Variants in UBE3C observed in about 807,000 individuals in gnomAD.
The protein encoded by UBE3C is ubiquitin protein ligase E3C.
A neutral mutation model predicts 129.4 loss-of-function variants in UBE3C; 42 were observed. That is an observed-to-expected ratio of 0.32 (90% CI 0.25 to 0.42). The LOEUF is 0.42. Among genes scored for constraint, UBE3C ranks in the 10% least tolerant of loss-of-function variants. The pLI, the probability that UBE3C is intolerant of heterozygous loss-of-function variation, is 1.00. For synonymous variants in UBE3C, 510 were observed against 492.4 expected, an observed-to-expected ratio of 1.04 and a Z score of -0.47; for missense variants, 1,049 against 1,319.1, an observed-to-expected ratio of 0.80 and a Z score of 3.17.
rs3039783 is a variant in UBE3C at position 157,211,167 on chromosome 7, G to GGAGAGAGAGAGAGAGAGAGAGAGA, written c.1809+3236_1809+3259dup. Among the ~76,000 whole-genome samples the GGAGAGAGAGAGAGAGAGAGAGAGA allele has an allele frequency of 4.2e-3, 577 of 137,096 alleles. 18 individuals carry two copies. Among genetic ancestry groups the GGAGAGAGAGAGAGAGAGAGAGAGA allele is most frequent in the African/African-American group, 0.012 (399 of 34,136 alleles). The allele number at this position is 137,096 out of a possible 152,430, so 89.9% of individuals were successfully genotyped here. A position where few individuals can be genotyped will look rare whatever the true frequency, so the allele number is the denominator to read the frequency against. On this transcript the variant is annotated intron_variant, in intron 13 of 22. Transcript: ENST00000348165. ...CCATGCCCTCATTATCCATATGTCT[G>GGAGAGAGAGAGAGAGAGAGAGAGA]GAGAGAGAGAGAGAGAGAGAGAGAG... is the stretch of plus-strand genomic sequence containing the variant.
At chr7:157,180,759 G>A (rs563007794) in intron 6 of UBE3C, among the ~76,000 whole-genome samples, 2 of 152,294 alleles carry the variant, frequency 1.3e-5, no homozygotes, top group South Asian at 4.1e-4. Context: ...TATTTTAAGA[G>A]GTTCTGAAAG....
At position 157,248,220 on chromosome 7, in the gene UBE3C, A is replaced by G. The variant is rs367598855; in HGVS notation, c.2482-148A>G. The G allele has an allele frequency of 3.5e-4, 245 of 709,326 alleles. 4 individuals carry two copies. The Middle Eastern group carries it at 4.0e-3, about 12-fold the overall frequency. The allele number at this position is 709,326 out of a possible 1,614,324, so 43.9% of individuals were successfully genotyped here. On this transcript the variant is annotated intron_variant, in intron 18 of 22. Transcript: ENST00000348165. ...GGATCCTGGAGCACAGTACCTGCCC[A>G]CTGAATATCAGCTTCCATCTTCGGT...
At chr7:157,182,375 A>G in intron 8 of UBE3C, 47 bp downstream of exon 8, 2 of 1,583,164 alleles carry the variant, frequency 1.3e-6, no homozygotes, top group Non-Finnish European at 1.7e-6. Context: ...TATGGGTAGC[A>G]TTGGCAGATG....
intron 13 of UBE3C, among the ~76,000 whole-genome samples, chr7:157,208,444 A>C (rs1809501291): frequency 6.6e-6 from 1 of 152,180 alleles, no homozygotes; most frequent in Admixed American, 6.5e-5. Flanking sequence ...TAATTAACTA[A>C]AATTACTTTC....
At chr7:157,244,122 C>T (rs530920834) in intron 18 of UBE3C, among the ~76,000 whole-genome samples, 6 of 152,150 alleles carry the variant, frequency 3.9e-5, no homozygotes, top group African/African-American at 9.6e-5. Flanking sequence ...CCCAGCTGCT[C>T]GCGAGGCTGA....
intron 19 of UBE3C, 88 bp from the exon 20 acceptor site, chr7:157,253,865 AT>A: frequency 1.6e-6 from 2 of 1,278,206 alleles, no homozygotes; most frequent in Non-Finnish European, 2.1e-6. Flanking sequence ...ATCAAGTCCT[AT>A]TTCCTTAAAA....
intron 21 of UBE3C, 134 bp downstream of exon 21, chr7:157,254,444 C>A: frequency 2.3e-6 from 1 of 429,186 alleles, no homozygotes; most frequent in Non-Finnish European, 3.4e-6. Flanking sequence ...GTCGCCCAGG[C>A]TGGAGTGCAG....
chr7:157,235,185 G>A (rs1796123981), intron 18 of UBE3C, among the ~76,000 whole-genome samples: 1 of 151,948 alleles, frequency 6.6e-6, no homozygotes, highest in African/African-American at 2.4e-5. Context: ...GCAAAACTCT[G>A]TCTCAAATTA....
At chr7:157,263,435 G>A (rs940748822) in intron 22 of UBE3C, among the ~76,000 whole-genome samples, 7 of 152,154 alleles carry the variant, frequency 4.6e-5, no homozygotes, top group South Asian at 2.1e-4. Context: ...AGGCTGAGGC[G>A]GGCGGATCAC....
intron 21 of UBE3C, among the ~76,000 whole-genome samples, chr7:157,255,158 CA>C (rs139867841): frequency 4.6e-5 from 7 of 151,304 alleles, no homozygotes; most frequent in African/African-American, 1.5e-4. Flanking sequence ...CGTACATGGG[CA>C]AAAAAAACCA....
At chr7:157,197,767 G>T in intron 10 of UBE3C, 1 of 1,612,748 alleles carries the variant, frequency 6.2e-7, no homozygotes, top group Non-Finnish European at 8.5e-7. Context: ...AGGATCCTGT[G>T]TGTACTATTG....
intron 21 of UBE3C, among the ~76,000 whole-genome samples, chr7:157,255,644 G>T (rs553058245): frequency 6.6e-6 from 1 of 152,158 alleles, no homozygotes; most frequent in Non-Finnish European, 1.5e-5. Context: ...TCTCAGCTAT[G>T]CCAGTAAATA....
intron 18 of UBE3C, among the ~76,000 whole-genome samples, chr7:157,246,472 G>A (rs1275003785): frequency 6.6e-6 from 1 of 152,140 alleles, no homozygotes; most frequent in Admixed American, 6.5e-5. Context: ...AGGTTGGAAG[G>A]GTGACTTCTG....
intron 17 of UBE3C, among the ~76,000 whole-genome samples, chr7:157,226,022 C>T (rs1408613709): frequency 6.6e-6 from 1 of 152,040 alleles, no homozygotes; most frequent in Non-Finnish European, 1.5e-5. Flanking sequence ...ACAGTTACTA[C>T]AACAGAAGCC....
intron 1 of UBE3C, among the ~76,000 whole-genome samples, chr7:157,149,300 C>G (rs940022976): frequency 1.3e-5 from 2 of 152,132 alleles, no homozygotes; most frequent in African/African-American, 4.8e-5. Context: ...AGGTGATCCA[C>G]CCACCTCAGC....
At chr7:157,222,278 CTT>C (rs1219115749) in intron 15 of UBE3C, 1 of 152,094 alleles carries the variant, frequency 6.6e-6, no homozygotes, top group African/African-American at 2.4e-5. Context: ...TGTGGCTTGT[CTT>C]TTTCTTTTCT....
At chr7:157,158,911 C>T (rs943989982) in intron 1 of UBE3C, among the ~76,000 whole-genome samples, 20 of 152,202 alleles carry the variant, frequency 1.3e-4, no homozygotes, top group African/African-American at 3.6e-4. Context: ...CCATTGTGCT[C>T]CAGCACCAGA....
rs1021100907 is a variant in UBE3C, at chr7:157,148,331, G to A, written c.66+8993G>A. ...TTGTCCATACTGGCCTTGAACTCCT[G>A]GCCTCAAGTGATCTGCCCACCTCAG... On this transcript the variant is annotated intron_variant, in intron 1 of 22. Transcript: ENST00000348165. Among the ~76,000 whole-genome samples, 4 of 152,216 alleles carry A rather than the reference G, an allele frequency of 2.6e-5. No individual in the cohort carries two copies. In the East Asian group the frequency reaches 5.8e-4, roughly 22 times the overall value.
chr7:157,178,196 A>G (rs1369794009), intron 5 of UBE3C, among the ~76,000 whole-genome samples: 2 of 152,116 alleles, frequency 1.3e-5, no homozygotes, highest in East Asian at 3.9e-4. Context: ...AGTTCTTCTC[A>G]TAGTAAGAAG....
Sources: gnomAD v4.1 joint callset for allele counts (sites outside exome capture counted in the v4.1 genomes callset) on GRCh38, gnomAD v4.1.1 for gene constraint, MANE v1.5 for transcripts, NCBI Gene and HGNC (gene_info 2026-07-23, HGNC 2026-07-21) for gene names.